Variants in DLGAP2 observed in about 807,000 individuals in gnomAD.
DLGAP2 encodes DLG associated protein 2.
In DLGAP2, 26 loss-of-function variants were observed where a neutral mutation model predicts 100.3. That is an observed-to-expected ratio of 0.26 (90% CI 0.19 to 0.36). DLGAP2 has a LOEUF of 0.36. DLGAP2 is among the 10% of genes least tolerant of loss of function. The pLI, the probability that DLGAP2 is intolerant of heterozygous loss-of-function variation, is 1.00. For missense variants in DLGAP2, 1,858 were observed against 1,453.2 expected (o/e 1.28, Z -4.53); for synonymous variants, 886 against 630.1 (o/e 1.41, Z -6.08).
At chr8:1,198,399 C>T (rs567736607) in intron 2 of DLGAP2, among the ~76,000 whole-genome samples, 3 of 152,280 alleles carry the variant, frequency 2.0e-5, no homozygotes, top group African/African-American at 7.2e-5. Flanking sequence ...AGAGAGCTGC[C>T]TGGACCTTGT....
rs182816373 is a variant in DLGAP2, at chr8:1,445,909, T to C, written c.107-55457T>C. ...TCTTCTTTTGAGAAGTGTCTGTTCA[T>C]ATCATTCACCAACTTTTTGATGGGG... On this transcript the variant is annotated intron_variant, in intron 3 of 14. Transcript: ENST00000637795. Among the ~76,000 whole-genome samples, 69 of 152,390 alleles carry C rather than the reference T, an allele frequency of 4.5e-4. 1 individual carries two copies. The highest frequency in any genetic ancestry group is 5.9e-5 in the Non-Finnish European group (4 of 68,044).
chr8:1,416,281 G>A (rs1796882022), intron 3 of DLGAP2, among the ~76,000 whole-genome samples: 1 of 152,200 alleles, frequency 6.6e-6, no homozygotes, highest in Admixed American at 6.5e-5. Context: ...GGGGATTGTA[G>A]GTTCCCGTCA....
At chr8:1,076,474 G>T (rs117509747) in intron 2 of DLGAP2, among the ~76,000 whole-genome samples, 1 of 152,234 alleles carries the variant, frequency 6.6e-6, no homozygotes, top group Admixed American at 6.5e-5. Context: ...TTGTGGAACA[G>T]GAGGCAGATC....
At chr8:1,506,373 G>C (rs557879881) in intron 4 of DLGAP2, among the ~76,000 whole-genome samples, 8 of 152,220 alleles carry the variant, frequency 5.3e-5, no homozygotes, top group African/African-American at 9.6e-5. Context: ...GAATGAAGCT[G>C]TGGACCTTTT....
At chr8:1,152,796 C>G (rs138553728) in intron 2 of DLGAP2, among the ~76,000 whole-genome samples, 1 of 152,310 alleles carries the variant, frequency 6.6e-6, no homozygotes, top group African/African-American at 2.4e-5. Flanking sequence ...GCCAAACCTA[C>G]ATCACATTTT....
At chr8:752,087 C>T (rs189976141) in intron 1 of DLGAP2, among the ~76,000 whole-genome samples, 1 of 152,224 alleles carries the variant, frequency 6.6e-6, no homozygotes, top group Non-Finnish European at 1.5e-5. Flanking sequence ...TGTTCACTCA[C>T]CCAGTTTTCA....
At chr8:1,548,551 G>C in intron 4 of DLGAP2, 75 bp from the exon 5 acceptor site, 1 of 1,333,616 alleles carries the variant, frequency 7.5e-7, no homozygotes, top group Non-Finnish European at 9.9e-7. Flanking sequence ...TCCACGGTGG[G>C]GGTCACATAT....
chr8:1,144,023 C>A (rs1796564694), intron 2 of DLGAP2, among the ~76,000 whole-genome samples: 1 of 152,220 alleles, frequency 6.6e-6, no homozygotes, highest in Non-Finnish European at 1.5e-5. Flanking sequence ...CCACAAAGCG[C>A]ATCTTAGTCC....
intron 8 of DLGAP2, among the ~76,000 whole-genome samples, chr8:1,654,816 C>A (rs944802655): frequency 6.6e-6 from 1 of 152,176 alleles, no homozygotes; most frequent in Non-Finnish European, 1.5e-5. Context: ...ACTGATGATG[C>A]ATTCCTTTTC....
intron 3 of DLGAP2, among the ~76,000 whole-genome samples, chr8:1,497,260 C>T (rs1234356457): frequency 6.6e-6 from 1 of 152,176 alleles, no homozygotes; most frequent in Non-Finnish European, 1.5e-5. Flanking sequence ...GGTCAGAGGT[C>T]GGCGCTGTCA....
intron 3 of DLGAP2, among the ~76,000 whole-genome samples, chr8:1,264,930 G>T (rs569089270): frequency 2.0e-5 from 3 of 152,162 alleles, no homozygotes; most frequent in Non-Finnish European, 4.4e-5. Flanking sequence ...ATAAAGGGCA[G>T]TTCCCCTGCA....
At chr8:1,626,941 GC>G in intron 7 of DLGAP2, 54 bp downstream of exon 7, 5 of 1,541,872 alleles carry the variant, frequency 3.2e-6, no homozygotes, top group Non-Finnish European at 4.4e-6. Context: ...AGCCAGGCTG[GC>G]ACGGAGGCCC....
intron 1 of DLGAP2, among the ~76,000 whole-genome samples, chr8:838,856 TC>T (rs1006233287): frequency 1.3e-5 from 2 of 152,212 alleles, no homozygotes; most frequent in Non-Finnish European, 2.9e-5. Flanking sequence ...GCTGGTGACT[TC>T]CTGGGGAGCG....
At chr8:1,268,317 T>C (rs1456138151) in intron 3 of DLGAP2, among the ~76,000 whole-genome samples, 1 of 152,218 alleles carries the variant, frequency 6.6e-6, no homozygotes, top group African/African-American at 2.4e-5. Context: ...ACATGCCTAA[T>C]TGTTGAATTT....
chr8:1,028,407 G>A (rs1033760196), intron 2 of DLGAP2, among the ~76,000 whole-genome samples: 4 of 147,378 alleles, frequency 2.7e-5, no homozygotes, highest in East Asian at 2.2e-4. Context: ...GGTGTCAGGC[G>A]CCCCTTATTC....
chr8:1,507,929 A>G (rs1398633196), intron 4 of DLGAP2, among the ~76,000 whole-genome samples: 3 of 150,178 alleles, frequency 2.0e-5, no homozygotes, highest in Admixed American at 6.6e-5. Context: ...CACACATTTT[A>G]GGAGAAGGCT....
intron 2 of DLGAP2, among the ~76,000 whole-genome samples, chr8:923,889 G>A (rs929356095): frequency 6.6e-6 from 1 of 152,226 alleles, no homozygotes; most frequent in African/African-American, 2.4e-5. Context: ...CTGCTGTGTG[G>A]CAGGCAGAAA....
chr8:1,465,301 T>G (rs1332011879), intron 3 of DLGAP2, among the ~76,000 whole-genome samples: 6 of 151,210 alleles, frequency 4.0e-5, no homozygotes, highest in Non-Finnish European at 8.8e-5. Flanking sequence ...TGGTTTATTA[T>G]AAAGGATACA....
chr8:1,668,544 G>A lies in DLGAP2; in HGVS notation c.2026G>A (p.Ala676Thr), dbSNP rs771268282. 1.7e-5 allele frequency: 27 copies of A among 1,591,472 alleles called. No homozygotes were observed. Among genetic ancestry groups the A allele is most frequent in the African/African-American group, 2.7e-5 (2 of 74,258 alleles). Reference protein sequence around the residue: ...SLDSNKAMNLALETAAAQRHL... With the variant: ...SLDSNKAMNLTLETAAAQRHL... ...GGACAGCAACAAGGCCATGAACCTC[G>A]CGCTGGAAACGGCCGCTGCCCAGCG... The change falls in exon 9 of 15, where the codon GCG becomes ACG. Residue 676 changes from alanine (A) to threonine (T), a missense_variant. Physicochemically the swap from Ala to Thr is moderately conservative, Grantham distance 58. Transcript: ENST00000637795.
Sources: allele counts gnomAD v4.1 joint callset (sites outside exome capture counted in the v4.1 genomes callset), GRCh38; gene constraint gnomAD v4.1.1; transcripts MANE v1.5; gene names NCBI Gene and HGNC (gene_info 2026-07-23, HGNC 2026-07-21).